The following CNBD1 variants were observed in gnomAD, a reference collection of about 807,000 sequenced individuals.
CNBD1 encodes the protein cyclic nucleotide-binding domain-containing protein 1.
CNBD1 carries 71 observed loss-of-function variants against 54.4 expected under a neutral mutation model. That is an observed-to-expected ratio of 1.30 (90% CI 1.08 to 1.59). CNBD1 has a LOEUF of 1.59. Ranked by LOEUF, CNBD1 falls within the 40% of genes most tolerant of loss-of-function variation. The pLI, the probability that CNBD1 is intolerant of heterozygous loss-of-function variation, is 0.00. For synonymous variants in CNBD1, 182 were observed against 170.7 expected, an observed-to-expected ratio of 1.07 and a Z score of -0.51; for missense variants, 659 against 518.0, an observed-to-expected ratio of 1.27 and a Z score of -2.64.
chr8:87,388,466 T>C (rs1458738468), intron 2 of CNBD1, among the ~76,000 whole-genome samples: 1 of 152,044 alleles, frequency 6.6e-6, no homozygotes, highest in Non-Finnish European at 1.5e-5. Context: ...GAGAATACTA[T>C]AAACACCTCT....
chr8:87,392,146 G>C (rs1020237456), intron 2 of CNBD1, among the ~76,000 whole-genome samples: 3 of 151,920 alleles, frequency 2.0e-5, no homozygotes, highest in African/African-American at 7.2e-5. Flanking sequence ...ATAAAATATA[G>C]ACAATAACAA....
intron 8 of CNBD1, among the ~76,000 whole-genome samples, chr8:87,289,099 C>G (rs1002037467): frequency 6.6e-6 from 1 of 151,960 alleles, no homozygotes; most frequent in African/African-American, 2.4e-5. Context: ...CTTTTATTAT[C>G]TGGTTTGAAA....
chr8:86,993,372 T>C (rs1010853025), intron 4 of CNBD1, among the ~76,000 whole-genome samples: 2 of 152,336 alleles, frequency 1.3e-5, no homozygotes, highest in South Asian at 4.1e-4. Context: ...ATTGTTTTAC[T>C]AGAGTCCTGG....
intron 4 of CNBD1, among the ~76,000 whole-genome samples, chr8:87,049,229 C>T (rs1810262960): frequency 6.6e-6 from 1 of 152,136 alleles, no homozygotes; most frequent in South Asian, 2.1e-4. Flanking sequence ...ATGTACTCTG[C>T]AATGCATTAC....
At position 87,244,541 on chromosome 8, in the gene CNBD1, A is replaced by C. The variant is rs536384706; in HGVS notation, c.771+7429A>C. Among the ~76,000 whole-genome samples, 6 of 152,186 alleles carry C rather than the reference A, an allele frequency of 3.9e-5. No individual in the cohort carries two copies. The East Asian group carries it at 7.7e-4, about 20-fold the overall frequency. ...ACAATATCGTCCTCCTTGCTTATCA[A>C]ATGTTGAATTTATCCCTTTTAAGTA... is the stretch of plus-strand genomic sequence containing the variant. On this transcript the variant is annotated intron_variant, in intron 6 of 10. Coordinates refer to ENST00000518476, the MANE Select transcript of CNBD1 (RefSeq NM_173538.3).
chr8:87,209,404 TAAGC>T (rs1398085814), intron 5 of CNBD1, among the ~76,000 whole-genome samples: 1 of 151,898 alleles, frequency 6.6e-6, no homozygotes, highest in Non-Finnish European at 1.5e-5. Context: ...AAAAGGAAAA[TAAGC>T]AAACAATTCC....
At chr8:87,290,850 C>T (rs1178308361) in intron 8 of CNBD1, among the ~76,000 whole-genome samples, 1 of 152,126 alleles carries the variant, frequency 6.6e-6, no homozygotes, top group East Asian at 1.9e-4. Flanking sequence ...TATTGGGATT[C>T]ACTTATAAGT....
chr8:87,399,652 T>A (rs927032679), intron 2 of CNBD1, among the ~76,000 whole-genome samples: 2 of 151,924 alleles, frequency 1.3e-5, no homozygotes, highest in Non-Finnish European at 2.9e-5. Flanking sequence ...TAAGCTCTGA[T>A]CCATTCTAAG....
At chr8:87,380,024 G>A (rs575576637) in intron 10 of CNBD1, among the ~76,000 whole-genome samples, 2 of 149,346 alleles carry the variant, frequency 1.3e-5, no homozygotes, top group Non-Finnish European at 2.9e-5. Context: ...CACTTGGGAG[G>A]TTTTAGATAA....
intron 6 of CNBD1, among the ~76,000 whole-genome samples, chr8:87,281,882 A>T (rs1275510826): frequency 6.6e-6 from 1 of 151,316 alleles, no homozygotes; most frequent in Non-Finnish European, 1.5e-5. Flanking sequence ...GACATTAATT[A>T]CAATTTTCTG....
At chr8:87,151,175 C>T (rs2130748690) in intron 4 of CNBD1, among the ~76,000 whole-genome samples, 1 of 152,272 alleles carries the variant, frequency 6.6e-6, no homozygotes, top group Non-Finnish European at 1.5e-5. Context: ...AATACACCAT[C>T]ATTAAGATGT....
chr8:87,374,099 A>T (rs1275434218), intron 10 of CNBD1, among the ~76,000 whole-genome samples: 1 of 151,700 alleles, frequency 6.6e-6, no homozygotes, highest in African/African-American at 2.4e-5. Context: ...TTACAAAATA[A>T]TTCATCATAA....
chr8:87,409,317 G>A (rs1175117606), intron 2 of CNBD1, among the ~76,000 whole-genome samples: 1 of 152,116 alleles, frequency 6.6e-6, no homozygotes, highest in Non-Finnish European at 1.5e-5. Flanking sequence ...AGCATCTAGA[G>A]CAAGGTCCTA....
chr8:87,065,580 A>G lies in CNBD1; in HGVS notation c.431+125826A>G, dbSNP rs922514417. ...CAATTTGTGGGAATATTTACTAGGC[A>G]CACTCTTAGCAGGCATGATTTCCAA... On this transcript the variant is annotated intron_variant, in intron 4 of 10. Transcript: ENST00000518476. Among the ~76,000 whole-genome samples, 13 of 152,006 alleles carry G rather than the reference A, an allele frequency of 8.6e-5. No homozygotes were observed. In the South Asian group the frequency reaches 2.3e-3, roughly 27 times the overall value.
chr8:87,015,877 A>G (rs756362742), intron 4 of CNBD1, among the ~76,000 whole-genome samples: 2 of 148,880 alleles, frequency 1.3e-5, no homozygotes, highest in Non-Finnish European at 3.0e-5. Context: ...GCTACTTGGA[A>G]GGCTGAGGTA....
At chr8:87,075,309 C>T (rs1810847025) in intron 4 of CNBD1, among the ~76,000 whole-genome samples, 1 of 152,066 alleles carries the variant, frequency 6.6e-6, no homozygotes, top group African/African-American at 2.4e-5. Context: ...GAAACCAACC[C>T]AATAGTCCCA....
chr8:87,195,869 G>A (rs74825344), intron 4 of CNBD1, among the ~76,000 whole-genome samples: 2,175 of 152,212 alleles, frequency 0.014, 62 homozygotes, highest in African/African-American at 0.05. Context: ...TACCACGCCC[G>A]ACTTAAATAT....
intron 2 of CNBD1, chr8:87,428,542 C>A (rs1047272797): frequency 2.3e-6 from 1 of 441,254 alleles, no homozygotes; most frequent in East Asian, 7.3e-5. Flanking sequence ...CTGTTTTCAT[C>A]TAGAATTAGA....
chr8:87,419,339 T>C (rs554338946), intron 2 of CNBD1, among the ~76,000 whole-genome samples: 143 of 151,988 alleles, frequency 9.4e-4, no homozygotes, highest in Non-Finnish European at 1.6e-3. Context: ...AGGTACAGTA[T>C]TTATCTTCAG....
Sources: allele counts gnomAD v4.1 joint callset (sites outside exome capture counted in the v4.1 genomes callset), GRCh38; gene constraint gnomAD v4.1.1; transcripts MANE v1.5; gene names NCBI Gene and HGNC (gene_info 2026-07-23, HGNC 2026-07-21).